Variants in CCN6 observed in about 807,000 individuals in gnomAD.
CCN6 encodes the protein cellular communication network factor 6.
Under a neutral mutation model 37.4 loss-of-function variants are expected in CCN6, and 31 were observed. The observed-to-expected ratio is 0.83, with a 90% confidence interval of 0.62 to 1.12. CCN6 has a LOEUF of 1.12. Ranked by LOEUF, CCN6 falls within the 50% of genes most tolerant of loss-of-function variation. The probability of loss-of-function intolerance (pLI) is 0.00; values close to 1 mark genes in which losing one functional copy is unlikely to be tolerated. For missense variants in CCN6, 369 were observed against 413.8 expected, an observed-to-expected ratio of 0.89 and a Z score of 0.94; for synonymous variants, 137 against 142.1, an observed-to-expected ratio of 0.96 and a Z score of 0.26.
rs1554313792 is a variant in CCN6 at position 112,065,611 on chromosome 6, C to CACACACACACAA, written c.589+624_589+625insAAACACACACAC. ...ACGCACACACACACAAACACACACG[C>CACACACACACAA]ACACACACACGCACGCACACACACA... On this transcript the variant is annotated intron_variant, in intron 3 of 4. Transcript: ENST00000368666. Among the ~76,000 whole-genome samples the CACACACACACAA allele has an allele frequency of 1.4e-3, 180 of 132,408 alleles. 2 individuals carry two copies. Among genetic ancestry groups the CACACACACACAA allele is most frequent in the African/African-American group, 5.3e-3 (175 of 33,198 alleles). The allele number at this position is 132,408 out of a possible 152,430, so 86.9% of individuals were successfully genotyped here. A position where few individuals can be genotyped will look rare whatever the true frequency, so the allele number is the denominator to read the frequency against.
chr6:112,060,112 G>A (rs367743264), intron 1 of CCN6: 3 of 1,353,754 alleles, frequency 2.2e-6, no homozygotes, highest in Non-Finnish European at 3.0e-6. Flanking sequence ...AGTGGGCAAA[G>A]TAATATGGGG....
Position 112,068,310 on chromosome 6 carries a change from C to T in CCN6, c.695C>T (p.Thr232Ile), listed in dbSNP as rs1776760842. ...TCGMGISNRV[T>I]NENSNCEMRK... is the part of the protein sequence containing the mutation. ...GGGATGGGAATATCTAACAGGGTGA[C>T]CAATGAAAACAGCAACTGTGAAATG... Residue 232 changes from threonine to isoleucine, a missense_variant, in exon 4 of 5, where the codon ACC (threonine) becomes ATC (isoleucine). By Grantham distance (89) the Thr-to-Ile change is moderately conservative. Coordinates refer to ENST00000368666, the MANE Select transcript of CCN6 (RefSeq NM_198239.2). 3.7e-6 allele frequency: 6 copies of T among 1,613,366 alleles called. No individual in the cohort carries two copies. The highest frequency in any genetic ancestry group is 5.1e-6 in the Non-Finnish European group (6 of 1,179,638).
chr6:112,068,179 T>TATAA, intron 3 of CCN6, 26 bp from the exon 4 acceptor site: 1 of 1,558,246 alleles, frequency 6.4e-7, no homozygotes. Context: ...TATGTATACA[T>TATAA]ATGTACTTTT....
At chr6:112,069,244 C>T in intron 4 of CCN6, 95 bp from the exon 5 acceptor site, 1 of 1,413,690 alleles carries the variant, frequency 7.1e-7, no homozygotes, top group Non-Finnish European at 9.6e-7. Flanking sequence ...TTAATGCCTC[C>T]AAATACTCAG....
At chr6:112,053,891 C>A (rs1482054471), upstream of CCN6, among the ~76,000 whole-genome samples, 1 of 151,680 alleles carries the variant, frequency 6.6e-6, no homozygotes, top group Non-Finnish European at 1.5e-5. Context: ...GCACTCTGTA[C>A]GTGAGGGTGA....
chr6:112,065,628 A>ACG (rs1397605649), intron 3 of CCN6, among the ~76,000 whole-genome samples: 42,007 of 138,546 alleles, frequency 0.3, 6,146 homozygotes, highest in African/African-American at 0.38. Flanking sequence ...ACACGCACGC[A>ACG]CACACACACA....
chr6:112,061,791 C>T (rs1776532075), intron 2 of CCN6, among the ~76,000 whole-genome samples: 1 of 152,106 alleles, frequency 6.6e-6, no homozygotes, highest in Non-Finnish European at 1.5e-5. Context: ...GTGAGGTCAC[C>T]CCAAACCACA....
At chr6:112,068,181 T>C (rs781910525) in intron 3 of CCN6, 24 bp from the exon 4 acceptor site, 4 of 1,572,908 alleles carry the variant, frequency 2.5e-6, no homozygotes, top group Non-Finnish European at 3.5e-6. Flanking sequence ...TGTATACATA[T>C]GTACTTTTCT....
intron 2 of CCN6, among the ~76,000 whole-genome samples, chr6:112,063,647 C>T (rs1424732938): frequency 2.6e-5 from 4 of 152,142 alleles, no homozygotes; most frequent in South Asian, 2.1e-4. Context: ...CTTGAATTCT[C>T]GCATTGGCAA....
chr6:112,059,798 T>A (rs1554312409), intron 1 of CCN6, among the ~76,000 whole-genome samples: 1 of 152,190 alleles, frequency 6.6e-6, no homozygotes, highest in East Asian at 1.9e-4. Flanking sequence ...ATGGCAGTCA[T>A]CAAGACAGAC....
chr6:112,060,715 G>C (rs587653732), intron 1 of CCN6, among the ~76,000 whole-genome samples: 1 of 152,078 alleles, frequency 6.6e-6, no homozygotes, highest in African/African-American at 2.4e-5. Context: ...TACAGATTAA[G>C]AGGATGAGAA....
intron 3 of CCN6, among the ~76,000 whole-genome samples, chr6:112,065,199 C>T (rs587701316): frequency 6.6e-6 from 1 of 152,216 alleles, no homozygotes; most frequent in African/African-American, 2.4e-5. Flanking sequence ...TTAGAATTTT[C>T]TGGTAAAACA....
chr6:112,065,612 A>ACACACACGCGCG (rs1562597676), intron 3 of CCN6, among the ~76,000 whole-genome samples: 2,082 of 133,362 alleles, frequency 0.016, 64 homozygotes, highest in African/African-American at 0.058. Context: ...ACACACACGC[A>ACACACACGCGCG]CACACACACG....
At chr6:112,057,755 G>T (rs972391647) in intron 1 of CCN6, among the ~76,000 whole-genome samples, 10 of 152,146 alleles carry the variant, frequency 6.6e-5, no homozygotes, top group Non-Finnish European at 1.3e-4. Context: ...AGATTGCCAA[G>T]ACACAGTGTA....
chr6:112,058,718 T>G (rs976212079), intron 1 of CCN6, among the ~76,000 whole-genome samples: 2 of 152,182 alleles, frequency 1.3e-5, no homozygotes, highest in Non-Finnish European at 2.9e-5. Context: ...TACAGGCACT[T>G]TAACTTTCTG....
In CCN6 at chr6:112,061,075, A is replaced by C; in HGVS notation, c.133A>C (p.Lys45Gln). 6.2e-7 allele frequency: 1 copy of C among 1,614,176 alleles called. No individual in the cohort carries two copies. The highest frequency in any genetic ancestry group is 1.1e-5 in the South Asian group (1 of 91,090). The part of the protein sequence containing the change: ...PGEVSDAPQR[K>Q]QFCHWPCKCP... ...AGAAGTGTCAGATGCACCTCAGCGT[A>C]AACAGTTTTGTCACTGGCCCTGCAA... The change falls in exon 2 of 5, where the codon AAA (lysine) becomes CAA (glutamine). Residue 45 changes from lysine to glutamine, a missense_variant. Coordinates refer to ENST00000368666, the MANE Select transcript of CCN6 (RefSeq NM_198239.2).
chr6:112,061,369 G>A, intron 2 of CCN6, 81 bp downstream of exon 2: 1 of 1,590,886 alleles, frequency 6.3e-7, no homozygotes, highest in East Asian at 2.2e-5. Flanking sequence ...AGCTTGGAGT[G>A]ATCAGCTTAG....
intron 1 of CCN6, among the ~76,000 whole-genome samples, chr6:112,058,214 G>A (rs782120386): frequency 2.6e-5 from 4 of 152,148 alleles, no homozygotes; most frequent in Non-Finnish European, 5.9e-5. Context: ...CTCACGTTGT[G>A]CATGTAACTT....
intron 3 of CCN6, among the ~76,000 whole-genome samples, chr6:112,067,897 A>G (rs1776745769): frequency 6.6e-6 from 1 of 152,158 alleles, no homozygotes; most frequent in Non-Finnish European, 1.5e-5. Flanking sequence ...CAGGAACATA[A>G]GCTTAGGTTT....
Sources: gnomAD v4.1 joint callset for allele counts (sites outside exome capture counted in the v4.1 genomes callset) on GRCh38, gnomAD v4.1.1 for gene constraint, MANE v1.5 for transcripts, NCBI Gene and HGNC (gene_info 2026-07-23, HGNC 2026-07-21) for gene names.